GLDC: variants seen among roughly 807,000 people sequenced by gnomAD.
The protein encoded by GLDC is glycine decarboxylase.
A neutral mutation model predicts 121.3 loss-of-function variants in GLDC; 104 were observed. The observed-to-expected ratio is 0.86, with a 90% CI of 0.73 to 1.01. The LOEUF (loss-of-function observed/expected upper bound fraction) is 1.01. Ranked by LOEUF, GLDC falls within the 50% of genes least tolerant of loss-of-function variation. The probability of loss-of-function intolerance (pLI) is 0.00; values close to 1 mark genes in which losing one functional copy is unlikely to be tolerated. For synonymous variants in GLDC, 546 were observed against 480.6 expected, an observed-to-expected ratio of 1.14 and a Z score of -1.78; for missense variants, 1,429 against 1,306.6, an observed-to-expected ratio of 1.09 and a Z score of -1.44.
chr9:6,620,497 G>C (rs968620651), intron 2 of GLDC, among the ~76,000 whole-genome samples, 178 bp from the exon 3 acceptor site: 2 of 146,686 alleles, frequency 1.4e-5, no homozygotes, highest in Non-Finnish European at 3.0e-5. Flanking sequence ...AAAAAAAAAA[G>C]TCCCCAAACA....
rs1468078570 is a variant in GLDC at position 6,588,613 on chromosome 9, A to T, written c.1665+5T>A. ...GAAATGAGAAAAAAGGCCACAAATAACTACCAGTGGAATCATGCTGTGAAC... is the reference window on the plus strand; with the variant it reads ...GAAATGAGAAAAAAGGCCACAAATATCTACCAGTGGAATCATGCTGTGAAC... On this transcript the variant is annotated splice_donor_5th_base_variant and intron_variant, in intron 13 of 24. Transcript: ENST00000321612. 6.3e-7 allele frequency: 1 copy of T among 1,598,242 alleles called. No homozygotes were observed. Among genetic ancestry groups the T allele is most frequent in the Non-Finnish European group, 8.6e-7 (1 of 1,165,716 alleles).
At chr9:6,580,271 G>C (rs995616919) in intron 15 of GLDC, among the ~76,000 whole-genome samples, 3 of 152,086 alleles carry the variant, frequency 2.0e-5, no homozygotes, top group African/African-American at 7.2e-5. Flanking sequence ...GCCCACACTG[G>C]GCCTGTTCTG....
rs1304551128 is a variant in GLDC at position 6,565,762 on chromosome 9, C to T, written c.1851-333G>A. On this transcript the variant is annotated intron_variant, in intron 15 of 24. Coordinates refer to ENST00000321612, the MANE Select transcript of GLDC (RefSeq NM_000170.3). ...AACTATACCAAAATACAGTGAAGAA[C>T]AAAAGGAACTACGACGTGTGTGTCA... 21 of 546,722 alleles carry T rather than the reference C, an allele frequency of 3.8e-5. 1 individual carries two copies. The highest frequency in any genetic ancestry group is 4.7e-4 in the Middle Eastern group (1 of 2,130). The allele number at this position is 546,722 out of a possible 1,614,324, so 33.9% of individuals were successfully genotyped here.
chr9:6,641,553 C>T lies in GLDC; in HGVS notation c.334+3061G>A, dbSNP rs143407270. Among the ~76,000 whole-genome samples, 10 of 152,308 alleles carry T rather than the reference C, an allele frequency of 6.6e-5. No homozygotes were observed. The East Asian group carries it at 1.9e-3, about 29-fold the overall frequency. On this transcript the variant is annotated intron_variant, in intron 2 of 24. Coordinates refer to ENST00000321612, the MANE Select transcript of GLDC (RefSeq NM_000170.3). ...TGGGCTGCCTGGGTTTGAATTCTGC[C>T]TCCATCACTTACCAGCTATGACCTT...
chr9:6,562,185 T>C (rs1817772035), intron 16 of GLDC, among the ~76,000 whole-genome samples: 1 of 152,250 alleles, frequency 6.6e-6, no homozygotes. Flanking sequence ...TGGTACATGG[T>C]AATTGCCATA....
rs117034300 is a variant in GLDC at position 6,592,342 on chromosome 9, A to G, written c.1402-119T>C. On this transcript the variant is annotated intron_variant, in intron 10 of 24. Coordinates refer to ENST00000321612, the MANE Select transcript of GLDC (RefSeq NM_000170.3). Reference sequence around the variant, plus strand: ...CAAAATCCCATCATTCCAAAATATCAGGGTACAATTATCTCCACGCTAAGG... The same window carrying G: ...CAAAATCCCATCATTCCAAAATATCGGGGTACAATTATCTCCACGCTAAGG... 1.0e-3 allele frequency: 733 copies of G among 735,306 alleles called. 2 individuals carry two copies. The highest frequency in any genetic ancestry group is 1.6e-3 in the Non-Finnish European group (671 of 408,906). 45.5% of individuals were successfully genotyped at this position (735,306 alleles called of 1,614,324 possible). A position where few individuals can be genotyped will look rare whatever the true frequency, so the allele number is the denominator to read the frequency against.
intron 2 of GLDC, among the ~76,000 whole-genome samples, chr9:6,641,961 C>G (rs1233322270): frequency 6.6e-6 from 1 of 152,176 alleles, no homozygotes; most frequent in African/African-American, 2.4e-5. Flanking sequence ...GGAAATGCTA[C>G]TACCAGAGCT....
chr9:6,534,411 G>A (rs1002252215), intron 24 of GLDC, among the ~76,000 whole-genome samples: 1 of 152,122 alleles, frequency 6.6e-6, no homozygotes, highest in African/African-American at 2.4e-5. Flanking sequence ...AAGGAAGGTT[G>A]CACTGGGCGC....
At chr9:6,558,726 T>C in intron 16 of GLDC, 42 bp from the exon 17 acceptor site, 1 of 1,611,236 alleles carries the variant, frequency 6.2e-7, no homozygotes, top group Non-Finnish European at 8.5e-7. Flanking sequence ...AAAATCATCA[T>C]CAGACTATGA....
intron 22 of GLDC, 104 bp downstream of exon 22, chr9:6,539,947 A>G (rs1258656689): frequency 1.2e-6 from 1 of 820,706 alleles, no homozygotes; most frequent in Non-Finnish European, 2.2e-6. Context: ...CTCCCCATTT[A>G]TCCCCCAGAT....
At chr9:6,546,881 G>C (rs1204633881) in intron 21 of GLDC, among the ~76,000 whole-genome samples, 1 of 151,990 alleles carries the variant, frequency 6.6e-6, no homozygotes, top group Non-Finnish European at 1.5e-5. Context: ...AGAATCGCTT[G>C]AACCTGGGAG....
chr9:6,629,736 T>G (rs960566267), intron 2 of GLDC, among the ~76,000 whole-genome samples: 1 of 151,568 alleles, frequency 6.6e-6, no homozygotes, highest in Admixed American at 6.6e-5. Context: ...TTTTGCTTCT[T>G]TGACAATCTA....
At chr9:6,629,929 C>CTATATATATATATATATATATATATATA (rs771840710) in intron 2 of GLDC, among the ~76,000 whole-genome samples, 1 of 102,166 alleles carries the variant, frequency 9.8e-6, no homozygotes, top group African/African-American at 4.8e-5. Context: ...TTGCTTTTCA[C>CTATATATATATATATATATATATATATA]TATATATATA....
Position 6,591,937 on chromosome 9 carries a change from C to T in GLDC, c.1482+206G>A, listed in dbSNP as rs1363951418. 6 of 561,484 alleles carry T rather than the reference C, an allele frequency of 1.1e-5. No homozygotes were observed. In the African/African-American group the frequency reaches 1.1e-4, roughly 11 times the overall value. 34.8% of individuals were successfully genotyped at this position (561,484 alleles called of 1,614,324 possible). On this transcript the variant is annotated intron_variant, in intron 11 of 24. Coordinates refer to ENST00000321612, the MANE Select transcript of GLDC (RefSeq NM_000170.3). ...ACCATTAACAATCTTTCCAACTAGC[C>T]TGGGTGCATAATACTGGCTGGAGCC...
intron 2 of GLDC, among the ~76,000 whole-genome samples, chr9:6,630,034 C>T (rs2129982462): frequency 6.8e-6 from 1 of 147,206 alleles, no homozygotes. Context: ...AAGCAATCTT[C>T]CAGTCTCAGC....
chr9:6,610,016 C>A (rs145174045), intron 4 of GLDC, among the ~76,000 whole-genome samples, 176 bp downstream of exon 4: 4 of 152,184 alleles, frequency 2.6e-5, no homozygotes, highest in African/African-American at 9.7e-5. Context: ...AAGAAGGACC[C>A]TGAGAGGAAA....
chr9:6,582,502 C>T (rs1261789650), intron 15 of GLDC, among the ~76,000 whole-genome samples: 12 of 151,124 alleles, frequency 7.9e-5, no homozygotes, highest in Non-Finnish European at 1.2e-4. Flanking sequence ...GGCTGGACAA[C>T]AGAGCAGGGC....
intron 21 of GLDC, among the ~76,000 whole-genome samples, chr9:6,545,497 G>T (rs934835229): frequency 2.0e-5 from 3 of 152,192 alleles, no homozygotes; most frequent in African/African-American, 7.2e-5. Flanking sequence ...CTCTGGATGA[G>T]TCAGTGAGTG....
At chr9:6,614,521 C>G (rs1818930264) in intron 3 of GLDC, among the ~76,000 whole-genome samples, 1 of 151,866 alleles carries the variant, frequency 6.6e-6, no homozygotes, top group South Asian at 2.1e-4. Context: ...AGGCGTGAGC[C>G]ACCACGCCCA....
Sources: gnomAD v4.1 joint callset for allele counts (sites outside exome capture counted in the v4.1 genomes callset) on GRCh38, gnomAD v4.1.1 for gene constraint, MANE v1.5 for transcripts, NCBI Gene and HGNC (gene_info 2026-07-23, HGNC 2026-07-21) for gene names.